The following HABP4 variants were observed in gnomAD, a reference collection of about 807,000 sequenced individuals.
The protein encoded by HABP4 is intracellular hyaluronan-binding protein 4.
HABP4 carries 32 observed loss-of-function variants against 44.1 expected under a neutral mutation model. The ratio of observed to expected loss-of-function variants is 0.73; its 90% confidence interval spans 0.55 to 0.97. HABP4 has a LOEUF of 0.97. Ranked by LOEUF, HABP4 falls within the 50% of genes least tolerant of loss-of-function variation. HABP4 has a pLI of 0.00. For synonymous variants in HABP4, 216 were observed against 218.0 expected, an observed-to-expected ratio of 0.99 and a Z score of 0.08; for missense variants, 503 against 561.9, an observed-to-expected ratio of 0.90 and a Z score of 1.06.
chr9:96,484,401 A>G (rs948531287), intron 5 of HABP4, 61 bp from the exon 6 acceptor site: 1 of 736,570 alleles, frequency 1.4e-6, no homozygotes, highest in Non-Finnish European at 2.3e-6. Flanking sequence ...CTTTTTCTTT[A>G]TAAAGTAGAC....
At chr9:96,457,593 C>T (rs756800509) in intron 1 of HABP4, among the ~76,000 whole-genome samples, 4 of 152,194 alleles carry the variant, frequency 2.6e-5, no homozygotes, top group East Asian at 1.9e-4. Context: ...CTTGGCCAGG[C>T]GCTGAGGCTC....
chr9:96,472,892 GTCTT>G (rs1174009325), intron 5 of HABP4, among the ~76,000 whole-genome samples: 1 of 152,112 alleles, frequency 6.6e-6, no homozygotes, highest in Non-Finnish European at 1.5e-5. Flanking sequence ...TGCAGTCTGC[GTCTT>G]TCTTGACCTC....
rs761108215 is a variant in HABP4 at position 96,488,216 on chromosome 9, G to A, written c.1127G>A (p.Arg376Gln). The A allele has an allele frequency of 2.7e-5, 44 of 1,613,088 alleles. No individual in the cohort carries two copies. The highest frequency in any genetic ancestry group is 1.2e-4 in the African/African-American group (9 of 74,914). ...GGGCGTGGAGCCAGAGGAGGCACCC[G>A]GGGAGGCCGGGGAAGGATCAGGAGG... ...RPGRGARGGTRGGRGRIRRAE... is the reference protein window; with the variant it reads ...RPGRGARGGTQGGRGRIRRAE... The change falls in exon 7 of 8, where the codon CGG becomes CAG. Residue 376 changes from arginine (R) to glutamine (Q), a missense_variant. Coordinates refer to ENST00000375249, the MANE Select transcript of HABP4 (RefSeq NM_014282.4). This position sits in a 1 kb window ranked among gnomAD's most constrained non-coding sequence, Gnocchi z 4.6.
intron 2 of HABP4, among the ~76,000 whole-genome samples, chr9:96,460,830 C>G (rs2131123595): frequency 6.6e-6 from 1 of 152,326 alleles, no homozygotes; most frequent in South Asian, 2.1e-4. Flanking sequence ...GGGATTTTCA[C>G]TTTCAGGGAA....
rs1456627808 is a variant in HABP4, at chr9:96,482,266, ACT to A, written c.828-2193_828-2192del. Among the ~76,000 whole-genome samples, 4 of 151,754 alleles carry A rather than the reference ACT, an allele frequency of 2.6e-5. No individual in the cohort carries two copies. The East Asian group carries it at 7.8e-4, about 29-fold the overall frequency. ...TAGAACTTTTTCATCACAAACAGAA[ACT>A]CTATATCCATTTAACACTAACTCCC... On this transcript the variant is annotated intron_variant, in intron 5 of 7. Coordinates refer to ENST00000375249, the MANE Select transcript of HABP4 (RefSeq NM_014282.4).
At chr9:96,474,735 G>T (rs1832753374) in intron 5 of HABP4, among the ~76,000 whole-genome samples, 1 of 152,096 alleles carries the variant, frequency 6.6e-6, no homozygotes, top group Non-Finnish European at 1.5e-5. Flanking sequence ...TGGTATCCGA[G>T]AAATACATTG....
At position 96,485,799 on chromosome 9, in the gene HABP4, C is replaced by CAGG. The variant is rs537335447; in HGVS notation, c.999+1167_999+1169dup. On this transcript the variant is annotated intron_variant, in intron 6 of 7. Transcript: ENST00000375249. Reference sequence around the variant, plus strand: ...TTTCGAGGTGGGAGTGAGCAGGTAGCAGGTTCTTCCTCTCTGTGGGGTATT... The same window carrying CAGG: ...TTTCGAGGTGGGAGTGAGCAGGTAGCAGGAGGTTCTTCCTCTCTGTGGGGTATT... Among the ~76,000 whole-genome samples the CAGG allele has an allele frequency of 7.6e-4, 116 of 152,228 alleles. 2 individuals carry two copies. In the Middle Eastern group the frequency reaches 0.024, roughly 31 times the overall value.
intron 5 of HABP4, among the ~76,000 whole-genome samples, chr9:96,482,108 C>A (rs1310883178): frequency 6.6e-6 from 1 of 151,854 alleles, no homozygotes; most frequent in East Asian, 1.9e-4. Flanking sequence ...GCTAATTTTT[C>A]TGGTATTTTT....
At chr9:96,483,057 G>A (rs1243630793) in intron 5 of HABP4, 2 of 152,142 alleles carry the variant, frequency 1.3e-5, no homozygotes, top group Admixed American at 6.5e-5. Flanking sequence ...AGATTTTTGA[G>A]GAACCGCCAG....
At chr9:96,480,520 A>G (rs1046236353) in intron 5 of HABP4, among the ~76,000 whole-genome samples, 4 of 152,230 alleles carry the variant, frequency 2.6e-5, no homozygotes, top group African/African-American at 9.6e-5. Context: ...AGCAAAGTTT[A>G]AAGAATTTTA....
intron 4 of HABP4, among the ~76,000 whole-genome samples, chr9:96,466,434 C>G (rs1482336854): frequency 6.6e-6 from 1 of 152,136 alleles, no homozygotes; most frequent in Non-Finnish European, 1.5e-5. Flanking sequence ...CAAGATCTCA[C>G]TATGTTGCCC....
intron 1 of HABP4, among the ~76,000 whole-genome samples, chr9:96,452,292 T>A (rs946554265): frequency 2.0e-5 from 3 of 152,170 alleles, no homozygotes; most frequent in Admixed American, 6.5e-5. Flanking sequence ...TGTTAATACA[T>A]TGATTTTTAG....
chr9:96,458,394 C>G lies in HABP4; in HGVS notation c.365C>G (p.Pro122Arg), dbSNP rs752664594. 6.2e-7 allele frequency: 1 copy of G among 1,613,866 alleles called. No homozygotes were observed. The highest frequency in any genetic ancestry group is 1.1e-5 in the South Asian group (1 of 91,084). ...CTGTTGGTAGGCCAGAAGCGGACTCCTAGAAGAGGGGAGCAGCAAGGATGG... is the reference window on the plus strand; with the variant it reads ...CTGTTGGTAGGCCAGAAGCGGACTCGTAGAAGAGGGGAGCAGCAAGGATGG... ...GLQAPGQKRT[P>R]RRGEQQGWND... is the part of the protein sequence containing the mutation. Residue 122 changes from proline to arginine, a missense_variant, in exon 2 of 8, where the codon CCT (proline) becomes CGT (arginine). Coordinates refer to ENST00000375249, the MANE Select transcript of HABP4 (RefSeq NM_014282.4).
At chr9:96,451,354 C>CAA (rs1361473596) in intron 1 of HABP4, 2 of 261,760 alleles carry the variant, frequency 7.6e-6, no homozygotes, top group African/African-American at 2.3e-5. Flanking sequence ...CGGTGCGCAG[C>CAA]GTGGTGTCCT....
At chr9:96,453,169 C>T (rs1334733404) in intron 1 of HABP4, among the ~76,000 whole-genome samples, 1 of 148,238 alleles carries the variant, frequency 6.7e-6, no homozygotes, top group African/African-American at 2.5e-5. Flanking sequence ...CCGGTTCAAG[C>T]GATTCTCCTG....
chr9:96,469,152 A>G (rs1190875119), intron 4 of HABP4, among the ~76,000 whole-genome samples: 3 of 152,230 alleles, frequency 2.0e-5, no homozygotes, highest in Admixed American at 2.0e-4. Context: ...TTTTCTATTT[A>G]TCTGTGCTGA....
At chr9:96,469,401 G>A (rs1422322522) in intron 4 of HABP4, among the ~76,000 whole-genome samples, 2 of 152,192 alleles carry the variant, frequency 1.3e-5, no homozygotes, top group Non-Finnish European at 2.9e-5. Context: ...AAGCCTTGAA[G>A]TGTGTAACAT....
Position 96,482,075 on chromosome 9 carries a change from A to T in HABP4, c.828-2387A>T, listed in dbSNP as rs545924448. Among the ~76,000 whole-genome samples, 3 of 152,000 alleles carry T rather than the reference A, an allele frequency of 2.0e-5. No homozygotes were observed. The South Asian group carries it at 6.2e-4, about 32-fold the overall frequency. On this transcript the variant is annotated intron_variant, in intron 5 of 7. Transcript: ENST00000375249. The stretch of plus-strand genomic sequence containing the variant: ...CTCAGCCTCCTGAGTAGCTGGGACT[A>T]CAGGCACATTCCACTACACCCGGCT...
chr9:96,460,262 A>G (rs143487512), intron 2 of HABP4, among the ~76,000 whole-genome samples: 6 of 152,298 alleles, frequency 3.9e-5, no homozygotes, highest in Middle Eastern at 3.4e-3. Flanking sequence ...AATTACAGAA[A>G]AGTTTTAAGA....
Sources: allele counts gnomAD v4.1 joint callset (sites outside exome capture counted in the v4.1 genomes callset), GRCh38; gene constraint gnomAD v4.1.1; non-coding constraint Gnocchi (gnomAD v3.1); transcripts MANE v1.5; gene names NCBI Gene and HGNC (gene_info 2026-07-23, HGNC 2026-07-21).